Variants in TMEM196 observed in about 807,000 individuals in gnomAD.
TMEM196 encodes the protein transmembrane protein 196.
Under a neutral mutation model 20.0 loss-of-function variants are expected in TMEM196, and 17 were observed. The ratio of observed to expected loss-of-function variants is 0.85; its 90% CI spans 0.58 to 1.27. The LOEUF is 1.27. Among genes scored for constraint, TMEM196 ranks in the 50% most tolerant of loss-of-function variants. The pLI is 0.00. For synonymous variants in TMEM196, 113 were observed against 88.9 expected, an observed-to-expected ratio of 1.27 and a Z score of -1.52; for missense variants, 267 against 223.0, an observed-to-expected ratio of 1.20 and a Z score of -1.26.
chr7:19,734,622 G>C (rs867878926), intron 1 of TMEM196, among the ~76,000 whole-genome samples: 1 of 152,292 alleles, frequency 6.6e-6, no homozygotes, highest in Middle Eastern at 3.4e-3. Flanking sequence ...TGTTTGCTTT[G>C]AAGAGAGGCA....
At chr7:19,753,155 T>TA (rs1417571884) in intron 1 of TMEM196, among the ~76,000 whole-genome samples, 2 of 152,240 alleles carry the variant, frequency 1.3e-5, no homozygotes, top group South Asian at 2.1e-4. Context: ...TCTGCTCAGA[T>TA]AAAATCCCAT....
rs1784943143 is a variant in TMEM196, at chr7:19,751,106, C to G, written c.147+21444G>C. ...GAAGATGCAGAATGGCATGATTTTT[C>G]CACTAAACCATGTGAAGAAGAAATA... On this transcript the variant is annotated intron_variant, in intron 1 of 4. Coordinates refer to ENST00000405844, the MANE Select transcript of TMEM196 (RefSeq NM_001363562.2). Among the ~76,000 whole-genome samples, 5 of 152,208 alleles carry G rather than the reference C, an allele frequency of 3.3e-5. No homozygotes were observed. In the South Asian group the frequency reaches 1.0e-3, roughly 32 times the overall value.
intron 1 of TMEM196, among the ~76,000 whole-genome samples, chr7:19,767,691 G>A (rs949572253): frequency 6.6e-6 from 1 of 151,874 alleles, no homozygotes; most frequent in Admixed American, 6.6e-5. Flanking sequence ...AAATACGTTT[G>A]TAATTTTTTG....
intron 1 of TMEM196, among the ~76,000 whole-genome samples, chr7:19,762,637 G>A (rs1424836846): frequency 6.6e-6 from 1 of 151,876 alleles, no homozygotes; most frequent in Non-Finnish European, 1.5e-5. Context: ...CTATAGCTTA[G>A]GACAACATTC....
At chr7:19,724,981 G>A (rs944677468) in intron 3 of TMEM196, among the ~76,000 whole-genome samples, 3 of 152,186 alleles carry the variant, frequency 2.0e-5, no homozygotes, top group Non-Finnish European at 4.4e-5. Context: ...TACAGGCAAA[G>A]CTCTCCAAAT....
At chr7:19,741,730 T>C (rs564495523) in intron 1 of TMEM196, among the ~76,000 whole-genome samples, 1 of 152,246 alleles carries the variant, frequency 6.6e-6, no homozygotes, top group African/African-American at 2.4e-5. Flanking sequence ...ATTGCAAAAA[T>C]ATGTTTTAGA....
chr7:19,724,497 T>G, intron 3 of TMEM196, 144 bp from the exon 4 acceptor site: 2 of 723,224 alleles, frequency 2.8e-6, no homozygotes, highest in South Asian at 3.8e-5. Flanking sequence ...AATCATTTCT[T>G]TAAATTACTG....
chr7:19,756,540 G>A (rs1244006856), intron 1 of TMEM196, among the ~76,000 whole-genome samples: 1 of 151,492 alleles, frequency 6.6e-6, no homozygotes, highest in African/African-American at 2.4e-5. Context: ...CCTCTGAAAG[G>A]CCCCAGTGTG....
chr7:19,764,722 C>A (rs1785556922), intron 1 of TMEM196, among the ~76,000 whole-genome samples: 1 of 152,166 alleles, frequency 6.6e-6, no homozygotes, highest in Non-Finnish European at 1.5e-5. Context: ...AAGGCTTAAG[C>A]TTTAATGGCA....
intron 1 of TMEM196, among the ~76,000 whole-genome samples, chr7:19,756,386 G>A (rs1245128654): frequency 1.3e-5 from 2 of 151,642 alleles, no homozygotes; most frequent in African/African-American, 2.4e-5. Context: ...TAAAAGTTAC[G>A]TGTGTAGGAG....
At chr7:19,747,248 C>G (rs974546568) in intron 1 of TMEM196, among the ~76,000 whole-genome samples, 2 of 135,174 alleles carry the variant, frequency 1.5e-5, no homozygotes, top group African/African-American at 5.9e-5. Context: ...GAGCGAGACT[C>G]CGTCTCAAAA....
intron 1 of TMEM196, among the ~76,000 whole-genome samples, chr7:19,731,144 A>G (rs939308884): frequency 1.6e-4 from 24 of 152,204 alleles, no homozygotes; most frequent in African/African-American, 5.8e-4. Flanking sequence ...GGTCAAAAAC[A>G]TAACACTCAA....
intron 1 of TMEM196, among the ~76,000 whole-genome samples, chr7:19,764,093 A>G (rs1023098317): frequency 6.6e-6 from 1 of 152,234 alleles, no homozygotes; most frequent in Admixed American, 6.5e-5. Flanking sequence ...TTGCAAGTTT[A>G]AAAATCTACC....
At chr7:19,767,576 G>T (rs1213282920) in intron 1 of TMEM196, among the ~76,000 whole-genome samples, 7 of 152,006 alleles carry the variant, frequency 4.6e-5, no homozygotes, top group Admixed American at 4.6e-4. Context: ...GCCTGATTTT[G>T]ATGAGGGAGT....
At chr7:19,767,736 A>C (rs1375052046) in intron 1 of TMEM196, among the ~76,000 whole-genome samples, 1 of 152,070 alleles carries the variant, frequency 6.6e-6, no homozygotes, top group Non-Finnish European at 1.5e-5. Flanking sequence ...CTTATGCTAA[A>C]GGATATGAAT....
At chr7:19,733,726 A>T (rs1222160932) in intron 1 of TMEM196, among the ~76,000 whole-genome samples, 2 of 151,950 alleles carry the variant, frequency 1.3e-5, no homozygotes, top group African/African-American at 4.8e-5. Flanking sequence ...CTATGCCTAT[A>T]CGAAGTAGAG....
At chr7:19,742,790 C>A (rs558408671) in intron 1 of TMEM196, among the ~76,000 whole-genome samples, 1 of 152,186 alleles carries the variant, frequency 6.6e-6, no homozygotes, top group South Asian at 2.1e-4. Flanking sequence ...CATGGGGATA[C>A]TTTTTAGAAA....
At chr7:19,758,600 G>T (rs1419542134) in intron 1 of TMEM196, among the ~76,000 whole-genome samples, 3 of 152,148 alleles carry the variant, frequency 2.0e-5, no homozygotes, top group African/African-American at 7.2e-5. Context: ...TTACTTATTT[G>T]TGAAATGATG....
At chr7:19,725,392 A>C in intron 3 of TMEM196, 122 bp downstream of exon 3, 13 of 1,306,132 alleles carry the variant, frequency 1.0e-5, no homozygotes, top group Non-Finnish European at 1.3e-5. Flanking sequence ...TTAACCCAAT[A>C]GAGCCAAATG....
Sources: allele counts gnomAD v4.1 joint callset (sites outside exome capture counted in the v4.1 genomes callset), GRCh38; gene constraint gnomAD v4.1.1; transcripts MANE v1.5; gene names NCBI Gene and HGNC (gene_info 2026-07-23, HGNC 2026-07-21).